SHROOM4: variants seen among roughly 807,000 people sequenced by gnomAD.
SHROOM4 encodes shroom family member 4.
A neutral mutation model predicts 80.3 loss-of-function variants in SHROOM4; 17 were observed. That is an observed-to-expected ratio of 0.21 (90% CI 0.14 to 0.32). The LOEUF is 0.32. Among genes scored for constraint, SHROOM4 ranks in the 10% least tolerant of loss-of-function variants. The pLI is 1.00. For missense variants in SHROOM4, 993 were observed against 1,140.3 expected, an observed-to-expected ratio of 0.87 and a Z score of 1.86; for synonymous variants, 400 against 437.5, an observed-to-expected ratio of 0.91 and a Z score of 1.07.
At chrX:50,629,744 C>T (rs782740679) in intron 4 of SHROOM4, among the ~76,000 whole-genome samples, 7 of 111,681 alleles carry the variant, frequency 6.3e-5, no homozygotes, top group Admixed American at 9.5e-5. Context: ...GTATGAAGGA[C>T]GTGAGTGCAT....
chrX:50,779,603 A>G (rs570263078), intron 1 of SHROOM4, among the ~76,000 whole-genome samples: 3 of 111,965 alleles, frequency 2.7e-5, no homozygotes, highest in African/African-American at 9.7e-5. Context: ...CCCCAGCTAC[A>G]TAGACTGCCC....
At chrX:50,788,607 C>CAAA (rs782285203) in intron 1 of SHROOM4, among the ~76,000 whole-genome samples, 1 of 46,610 alleles carries the variant, frequency 2.1e-5, no homozygotes, top group Non-Finnish European at 4.7e-5. Flanking sequence ...GACTCCGTCT[C>CAAA]AAAAAAAAAA....
intron 7 of SHROOM4, among the ~76,000 whole-genome samples, chrX:50,599,755 G>GC (rs1380833870): frequency 9.0e-6 from 1 of 111,439 alleles, no homozygotes; most frequent in Non-Finnish European, 1.9e-5. Context: ...GGACAGCTCT[G>GC]CCCCTCCCCT....
chrX:50,692,734 T>G (rs1933254143), intron 2 of SHROOM4, among the ~76,000 whole-genome samples: 1 of 111,629 alleles, frequency 9.0e-6, no homozygotes, highest in Non-Finnish European at 1.9e-5. Context: ...CTCCTATCCA[T>G]GTACATGGGC....
intron 2 of SHROOM4, among the ~76,000 whole-genome samples, chrX:50,668,870 A>G (rs1557260561): frequency 8.8e-6 from 1 of 113,030 alleles, no homozygotes; most frequent in African/African-American, 3.2e-5. Flanking sequence ...TACCTTGGAG[A>G]TATTGCTTTG....
chrX:50,707,712 T>A (rs189327375), intron 1 of SHROOM4, among the ~76,000 whole-genome samples: 6,213 of 109,156 alleles, frequency 0.057, 456 homozygotes, highest in African/African-American at 0.2. Context: ...GCCAAAGGTT[T>A]TTTTTTTCTC....
rs974039633 is a variant in SHROOM4 at position 50,805,664 on chromosome X, C to A, written c.117+8238G>T. 3.6e-5 allele frequency among the ~76,000 whole-genome samples: 4 copies of A among 111,778 alleles called. No individual in the cohort carries two copies. In the South Asian group the frequency reaches 1.5e-3, roughly 42 times the overall value. Reference sequence around the variant, plus strand: ...GCCTTCACACTTCCACAGCCTAGACCAAGTAAGGGTCCTTAGCAACCCTTC... The same window carrying A: ...GCCTTCACACTTCCACAGCCTAGACAAAGTAAGGGTCCTTAGCAACCCTTC... On this transcript the variant is annotated intron_variant, in intron 1 of 8. Transcript: ENST00000376020.
intron 8 of SHROOM4, among the ~76,000 whole-genome samples, 185 bp from the exon 9 acceptor site, chrX:50,597,149 G>A (rs782397164): frequency 8.9e-6 from 1 of 112,726 alleles, no homozygotes; most frequent in East Asian, 2.8e-4. Flanking sequence ...CCTGTAGCAG[G>A]AGGGTAAACA....
Position 50,635,720 on chromosome X carries a change from C to G in SHROOM4, c.405-52G>C, listed in dbSNP as rs371616358. The G allele has an allele frequency of 3.3e-4, 370 of 1,122,806 alleles. 1 individual carries two copies. The Middle Eastern group carries it at 6.5e-3, about 20-fold the overall frequency. 92.5% of individuals were successfully genotyped at this position (1,122,806 alleles called of 1,213,427 possible). On this transcript the variant is annotated intron_variant, in intron 3 of 8. Coordinates refer to ENST00000376020, the MANE Select transcript of SHROOM4 (RefSeq NM_020717.5). ...GTTAGCGAAGTCATGGCCAGCCCTA[C>G]TATAGGAGAGGGCAGGCCAGCCCAG... is the stretch of plus-strand genomic sequence containing the variant.
intron 1 of SHROOM4, among the ~76,000 whole-genome samples, chrX:50,798,127 C>T (rs1557272268): frequency 9.1e-6 from 1 of 110,391 alleles, no homozygotes. Context: ...TTTGTAGGGG[C>T]CGAGAGGGTC....
chrX:50,681,361 G>A (rs1265017995), intron 2 of SHROOM4, among the ~76,000 whole-genome samples: 5 of 111,274 alleles, frequency 4.5e-5, no homozygotes, highest in African/African-American at 1.3e-4. Context: ...TATATGCCTG[G>A]CTTCCTCTCC....
intron 2 of SHROOM4, among the ~76,000 whole-genome samples, chrX:50,645,124 T>C (rs1557257718): frequency 9.0e-6 from 1 of 111,646 alleles, no homozygotes; most frequent in Non-Finnish European, 1.9e-5. Flanking sequence ...ACTAATTACC[T>C]GGGGATCTTG....
At chrX:50,661,257 C>T (rs1932500687) in intron 2 of SHROOM4, among the ~76,000 whole-genome samples, 1 of 110,949 alleles carries the variant, frequency 9.0e-6, no homozygotes, top group African/African-American at 3.3e-5. Context: ...CTCATTCTAT[C>T]GCCCAGGCTG....
chrX:50,585,372 G>A (rs1928738692), downstream of SHROOM4, among the ~76,000 whole-genome samples: 1 of 111,482 alleles, frequency 9.0e-6, no homozygotes, highest in Admixed American at 9.6e-5. Flanking sequence ...TCAGGGAGTG[G>A]GGTGGTGGAT....
chrX:50,652,779 G>A (rs192138455), intron 2 of SHROOM4, among the ~76,000 whole-genome samples: 6 of 112,047 alleles, frequency 5.4e-5, no homozygotes, highest in African/African-American at 1.9e-4. Context: ...TCAGTTTTCT[G>A]CATATGGCTA....
intron 1 of SHROOM4, among the ~76,000 whole-genome samples, chrX:50,790,028 T>A (rs1557271395): frequency 8.9e-6 from 1 of 112,177 alleles, no homozygotes; most frequent in Admixed American, 9.4e-5. Context: ...TTTATGCAAT[T>A]ATACCACAAT....
chrX:50,797,820 G>A (rs1255033938), intron 1 of SHROOM4, among the ~76,000 whole-genome samples: 1 of 110,931 alleles, frequency 9.0e-6, no homozygotes. Context: ...TATACAACAT[G>A]CCTACATATA....
Position 50,755,347 on chromosome X carries a change from C to T in SHROOM4, c.117+58555G>A, listed in dbSNP as rs782167301. Among the ~76,000 whole-genome samples, 7 of 111,780 alleles carry T rather than the reference C, an allele frequency of 6.3e-5. No homozygotes were observed. In the South Asian group the frequency reaches 1.1e-3, roughly 18 times the overall value. ...TTGCCAGCACTCCACTAGCTTAAAC[C>T]GCAAGACACATGGACAACTCAGGGA... On this transcript the variant is annotated intron_variant, in intron 1 of 8. Transcript: ENST00000376020.
chrX:50,596,731 G>A lies in SHROOM4; in HGVS notation c.4446C>T (p.Leu1482=). The part of the protein sequence containing the change: ...IKLGEEQLKC[L]RESLLLGPSN... ...TGGGCCCCAGGAGTAGACTCTCCCT[G>A]AGACATTTGAGTTGCTCTTCCCCGA... The change falls in exon 9 of 9, where the codon CTC becomes CTT. Residue 1482 remains leucine, a synonymous_variant. Transcript: ENST00000376020. 8.3e-7 allele frequency: 1 copy of A among 1,211,623 alleles called. No homozygotes were observed. Among genetic ancestry groups the A allele is most frequent in the Non-Finnish European group, 1.1e-6 (1 of 895,596 alleles).
Sources: gnomAD v4.1 joint callset for allele counts (sites outside exome capture counted in the v4.1 genomes callset) on GRCh38, gnomAD v4.1.1 for gene constraint, MANE v1.5 for transcripts, NCBI Gene and HGNC (gene_info 2026-07-23, HGNC 2026-07-21) for gene names.